Variants in NRP1 observed in about 807,000 individuals in gnomAD.
NRP1 encodes the protein neuropilin 1, also known as neuropilin-1.
In NRP1, 35 loss-of-function variants were observed where a neutral mutation model predicts 106.7. That is an observed-to-expected ratio of 0.33 (90% confidence interval 0.25 to 0.43). The LOEUF (loss-of-function observed/expected upper bound fraction) is 0.43. NRP1 is among the 20% of genes least tolerant of loss of function. NRP1 has a pLI of 1.00. For missense variants in NRP1, 1,024 were observed against 1,170.4 expected, an observed-to-expected ratio of 0.87 and a Z score of 1.83; for synonymous variants, 437 against 417.9, an observed-to-expected ratio of 1.05 and a Z score of -0.56.
chr10:33,182,321 A>C (rs1445683326), intron 16 of NRP1, among the ~76,000 whole-genome samples: 1 of 152,208 alleles, frequency 6.6e-6, no homozygotes, highest in African/African-American at 2.4e-5. Flanking sequence ...GTTGGTTTCA[A>C]ATAACTGTGT....
chr10:33,227,811 T>C (rs1455754195), intron 6 of NRP1, among the ~76,000 whole-genome samples: 1 of 152,174 alleles, frequency 6.6e-6, no homozygotes, highest in Admixed American at 6.5e-5. Flanking sequence ...AAGCACTCCA[T>C]GTTCTAGTCC....
intron 11 of NRP1, among the ~76,000 whole-genome samples, chr10:33,199,650 T>G (rs1198653991): frequency 6.6e-6 from 1 of 151,876 alleles, no homozygotes; most frequent in Non-Finnish European, 1.5e-5. Flanking sequence ...TGTTTTTCCT[T>G]ATGTCTATCC....
At chr10:33,293,527 G>A (rs902490844) in intron 2 of NRP1, among the ~76,000 whole-genome samples, 48 of 152,162 alleles carry the variant, frequency 3.2e-4, no homozygotes, top group African/African-American at 1.1e-3. Flanking sequence ...AAATGCTACC[G>A]ATAAGGAAAC....
intron 6 of NRP1, among the ~76,000 whole-genome samples, chr10:33,250,847 C>T (rs1211249591): frequency 6.6e-6 from 1 of 152,174 alleles, no homozygotes; most frequent in Non-Finnish European, 1.5e-5. Context: ...ATGAGTAGGA[C>T]AATTATCATT....
At chr10:33,299,120 G>T (rs761464020) in intron 2 of NRP1, among the ~76,000 whole-genome samples, 7 of 152,118 alleles carry the variant, frequency 4.6e-5, no homozygotes, top group Non-Finnish European at 8.8e-5. Context: ...AGGTCACAGA[G>T]GAAGTGTCTA....
At chr10:33,306,355 GGTGTGTGT>G (rs61242197) in intron 2 of NRP1, among the ~76,000 whole-genome samples, 15 of 148,134 alleles carry the variant, frequency 1.0e-4, no homozygotes, top group South Asian at 2.2e-4. Flanking sequence ...GGGTCAGAAG[GGTGTGTGT>G]GTGTGTGTGT....
intron 10 of NRP1, among the ~76,000 whole-genome samples, chr10:33,203,757 G>A (rs528184406): frequency 0.013 from 825 of 64,390 alleles, 50 homozygotes; most frequent in African/African-American, 0.037. Flanking sequence ...TTTTTGAGAC[G>A]GAGTCTCGCT....
chr10:33,303,614 C>T (rs1388015847), intron 2 of NRP1, among the ~76,000 whole-genome samples: 1 of 152,216 alleles, frequency 6.6e-6, no homozygotes, highest in African/African-American at 2.4e-5. Context: ...CCAGAACTTG[C>T]AGATGGCTGT....
chr10:33,181,839 C>A (rs1055900258), intron 16 of NRP1, among the ~76,000 whole-genome samples: 1 of 152,184 alleles, frequency 6.6e-6, no homozygotes, highest in African/African-American at 2.4e-5. Flanking sequence ...GTGGCTCACG[C>A]CTGTAATCCC....
chr10:33,199,360 CTGTT>C (rs66521448), intron 11 of NRP1, among the ~76,000 whole-genome samples: 16,654 of 79,324 alleles, frequency 0.21, 1,844 homozygotes, highest in East Asian at 0.54. Context: ...CCATGCCTGG[CTGTT>C]TTCTATATAT....
chr10:33,285,181 C>T (rs755533946), intron 2 of NRP1, among the ~76,000 whole-genome samples: 19 of 152,206 alleles, frequency 1.2e-4, no homozygotes, highest in Admixed American at 7.2e-4. Flanking sequence ...GACAAATGCA[C>T]TTAGCTTGTT....
At chr10:33,191,821 A>G (rs1255192403) in intron 13 of NRP1, among the ~76,000 whole-genome samples, 1 of 152,014 alleles carries the variant, frequency 6.6e-6, no homozygotes, top group Non-Finnish European at 1.5e-5. Context: ...TACTAAAAAT[A>G]CAAAAAATTA....
At chr10:33,296,893 G>A (rs1384355553) in intron 2 of NRP1, among the ~76,000 whole-genome samples, 1 of 152,042 alleles carries the variant, frequency 6.6e-6, no homozygotes, top group Non-Finnish European at 1.5e-5. Flanking sequence ...GCCGAGCATG[G>A]TGGTGCATGC....
At chr10:33,285,477 C>T (rs2776928) in intron 2 of NRP1, among the ~76,000 whole-genome samples, 129,901 of 152,114 alleles carry the variant, frequency 0.85, 56,131 homozygotes, top group East Asian at 0.97. Flanking sequence ...GAAATTTTTT[C>T]GTGATCATTA....
At chr10:33,204,875 G>GCGCC (rs2132721896) in intron 10 of NRP1, among the ~76,000 whole-genome samples, 1 of 152,066 alleles carries the variant, frequency 6.6e-6, no homozygotes, top group Non-Finnish European at 1.5e-5. Flanking sequence ...GGGATTACAG[G>GCGCC]CGCCCACCAA....
rs527787095 is a variant in NRP1, at chr10:33,194,139, G to A, written c.1925-1721C>T. ...TCTCCAAAATTTACCACTCTTTTCCGCAGCAAGATTGAATTATGTAGATGA... is the reference window on the plus strand; with the variant it reads ...TCTCCAAAATTTACCACTCTTTTCCACAGCAAGATTGAATTATGTAGATGA... On this transcript the variant is annotated intron_variant, in intron 12 of 16. Transcript: ENST00000374867. 7.9e-5 allele frequency among the ~76,000 whole-genome samples: 12 copies of A among 152,200 alleles called. 1 individual carries two copies. In the South Asian group the frequency reaches 2.1e-3, roughly 26 times the overall value.
chr10:33,188,703 C>T (rs1038930836), intron 13 of NRP1, among the ~76,000 whole-genome samples: 1 of 151,666 alleles, frequency 6.6e-6, no homozygotes, highest in Non-Finnish European at 1.5e-5. Context: ...ATGACAAAAC[C>T]ATGTCTCTAC....
rs568226367 is a variant in NRP1 at position 33,255,790 on chromosome 10, A to C, written c.814+526T>G. 2.1e-4 allele frequency among the ~76,000 whole-genome samples: 32 copies of C among 152,222 alleles called. No homozygotes were observed. In the South Asian group the frequency reaches 6.6e-3, roughly 32 times the overall value. ...TTCAGATTTTTTTTCTTGGGCCTTT[A>C]AAAGAGCTAGAGACCACAAAAACTT... On this transcript the variant is annotated intron_variant, in intron 5 of 16. Transcript: ENST00000374867.
chr10:33,228,886 ATAAG>A (rs1420416824), intron 6 of NRP1, among the ~76,000 whole-genome samples: 5 of 152,222 alleles, frequency 3.3e-5, no homozygotes, highest in Non-Finnish European at 7.3e-5. Context: ...AATTTAATGA[ATAAG>A]TATTTTACCA....
Sources: allele counts gnomAD v4.1 joint callset (sites outside exome capture counted in the v4.1 genomes callset), GRCh38; gene constraint gnomAD v4.1.1; transcripts MANE v1.5; gene names NCBI Gene and HGNC (gene_info 2026-07-23, HGNC 2026-07-21).